The following NELL1 variants were observed in gnomAD, a reference collection of about 807,000 sequenced individuals.
NELL1 encodes the protein neural EGFL like 1.
A neutral mutation model predicts 107.4 loss-of-function variants in NELL1; 76 were observed. The ratio of observed to expected loss-of-function variants is 0.71; its 90% CI spans 0.59 to 0.86. NELL1 has a LOEUF of 0.86. Ranked by LOEUF, NELL1 falls within the 40% of genes least tolerant of loss-of-function variation. NELL1 has a pLI of 0.00. For synonymous variants in NELL1, 353 were observed against 341.2 expected (o/e 1.03, Z -0.38); for missense variants, 1,024 against 1,005.5 (o/e 1.02, Z -0.25).
At chr11:21,194,600 C>A (rs984560061) in intron 13 of NELL1, among the ~76,000 whole-genome samples, 1 of 152,108 alleles carries the variant, frequency 6.6e-6, no homozygotes, top group African/African-American at 2.4e-5. Context: ...GCTCCTAGAT[C>A]AGCAATATCA....
At chr11:21,059,893 A>G (rs779562498) in intron 12 of NELL1, among the ~76,000 whole-genome samples, 7 of 152,196 alleles carry the variant, frequency 4.6e-5, no homozygotes, top group Non-Finnish European at 7.3e-5. Context: ...ATATGCCAAT[A>G]TATTTCTCTC....
intron 12 of NELL1, among the ~76,000 whole-genome samples, chr11:21,085,905 G>T (rs1297226909): frequency 6.6e-6 from 1 of 152,222 alleles, no homozygotes; most frequent in Non-Finnish European, 1.5e-5. Context: ...TCACAAAAGT[G>T]GCTCAGGCTG....
intron 12 of NELL1, among the ~76,000 whole-genome samples, chr11:21,052,736 C>T (rs1350200856): frequency 6.6e-6 from 1 of 152,074 alleles, no homozygotes; most frequent in African/African-American, 2.4e-5. Context: ...GCCCCCACAT[C>T]AAACCTTGCA....
At chr11:21,115,934 GCCTT>G (rs1278388313) in intron 13 of NELL1, among the ~76,000 whole-genome samples, 1 of 151,688 alleles carries the variant, frequency 6.6e-6, no homozygotes, top group Non-Finnish European at 1.5e-5. Context: ...TCTTTAAAAA[GCCTT>G]CCTTTGATCC....
intron 10 of NELL1, 67 bp downstream of exon 10, chr11:20,937,926 T>C: frequency 6.7e-7 from 1 of 1,486,670 alleles, no homozygotes; most frequent in Admixed American, 1.7e-5. Flanking sequence ...GGGCTTTAGA[T>C]GAGGTTCTTG....
intron 15 of NELL1, among the ~76,000 whole-genome samples, chr11:21,447,662 C>T (rs1016408218): frequency 6.6e-6 from 1 of 152,150 alleles, no homozygotes; most frequent in African/African-American, 2.4e-5. Context: ...CTACGAGTTA[C>T]ATTGCCTGTG....
intron 13 of NELL1, among the ~76,000 whole-genome samples, chr11:21,200,671 C>G (rs954322240): frequency 1.3e-5 from 2 of 152,110 alleles, no homozygotes; most frequent in Non-Finnish European, 2.9e-5. Context: ...GCTTTTGTTG[C>G]CATTGCTTTT....
rs148732466 is a variant in NELL1 at position 20,980,213 on chromosome 11, C to T, written c.1300+19653C>T. Among the ~76,000 whole-genome samples the T allele has an allele frequency of 5.4e-4, 83 of 152,294 alleles. No individual in the cohort carries two copies. The Middle Eastern group carries it at 0.017, about 31-fold the overall frequency. ...GACTACAAAGGAGGAAGGAGGTTAA[C>T]GTTTCCTGAATCCCTCTTACACAGC... On this transcript the variant is annotated intron_variant, in intron 12 of 19. Coordinates refer to ENST00000357134, the MANE Select transcript of NELL1 (RefSeq NM_006157.5).
At chr11:21,073,687 T>G (rs1420227956) in intron 12 of NELL1, among the ~76,000 whole-genome samples, 1 of 152,136 alleles carries the variant, frequency 6.6e-6, no homozygotes, top group East Asian at 1.9e-4. Context: ...GAAGGCTTCC[T>G]GGAGGAAGTA....
intron 5 of NELL1, among the ~76,000 whole-genome samples, chr11:20,896,804 C>T (rs993430724): frequency 6.6e-6 from 1 of 152,110 alleles, no homozygotes; most frequent in African/African-American, 2.4e-5. Flanking sequence ...AGTGAACTCC[C>T]ATTCACAATT....
intron 14 of NELL1, among the ~76,000 whole-genome samples, chr11:21,283,232 T>C (rs1004598131): frequency 1.2e-4 from 19 of 152,338 alleles, no homozygotes; most frequent in African/African-American, 4.6e-4. Flanking sequence ...TTTACCCTCA[T>C]GTGATTATTA....
At chr11:20,852,889 C>T (rs1187643043) in intron 4 of NELL1, among the ~76,000 whole-genome samples, 1 of 152,164 alleles carries the variant, frequency 6.6e-6, no homozygotes. Context: ...ATTTAAGTAA[C>T]AGCACAAGGT....
At position 21,088,716 on chromosome 11, in the gene NELL1, T is replaced by C. The variant is rs575757288; in HGVS notation, c.1301-24873T>C. On this transcript the variant is annotated intron_variant, in intron 12 of 19. Coordinates refer to ENST00000357134, the MANE Select transcript of NELL1 (RefSeq NM_006157.5). ...GCTATTCATACCTCACGTCTAATTT[T>C]TTTAAAGTGTATCTTCAAAATGGTT... Among the ~76,000 whole-genome samples, 219 of 152,324 alleles carry C rather than the reference T, an allele frequency of 1.4e-3. 1 individual carries two copies. The highest frequency in any genetic ancestry group is 4.9e-3 in the African/African-American group (205 of 41,574).
At chr11:21,050,728 C>A (rs763922638) in intron 12 of NELL1, among the ~76,000 whole-genome samples, 1 of 152,146 alleles carries the variant, frequency 6.6e-6, no homozygotes, top group Non-Finnish European at 1.5e-5. Context: ...CTCCTAAACT[C>A]TCTGGGACTT....
intron 13 of NELL1, among the ~76,000 whole-genome samples, chr11:21,122,725 C>A (rs1477436367): frequency 6.6e-6 from 1 of 152,094 alleles, no homozygotes; most frequent in East Asian, 1.9e-4. Context: ...CATCAGTATT[C>A]ACTGTACATC....
chr11:21,254,568 C>T (rs534635292), intron 14 of NELL1, among the ~76,000 whole-genome samples: 2 of 152,094 alleles, frequency 1.3e-5, no homozygotes, highest in South Asian at 2.1e-4. Context: ...TACACATGCC[C>T]GAGGGAGCTG....
intron 13 of NELL1, among the ~76,000 whole-genome samples, chr11:21,178,003 T>C (rs1016952220): frequency 7.2e-5 from 11 of 151,938 alleles, no homozygotes; most frequent in African/African-American, 2.7e-4. Flanking sequence ...GTTTCTTATA[T>C]ACTTTGAATA....
At position 20,738,713 on chromosome 11, in the gene NELL1, A is replaced by G. The variant is rs557794323; in HGVS notation, c.185-44967A>G. On this transcript the variant is annotated intron_variant, in intron 2 of 19. Transcript: ENST00000357134. ...ATGTAAAGTGTAGGAGGAAATATCT[A>G]TTTCCCAGGGTATTGTGAATCACCA... 2.6e-5 allele frequency among the ~76,000 whole-genome samples: 4 copies of G among 152,282 alleles called. No homozygotes were observed. The South Asian group carries it at 8.3e-4, about 32-fold the overall frequency.
intron 2 of NELL1, among the ~76,000 whole-genome samples, chr11:20,743,429 C>T (rs1392544010): frequency 6.6e-6 from 1 of 152,130 alleles, no homozygotes; most frequent in Admixed American, 6.5e-5. Context: ...CATCGCTTAT[C>T]TGCCAAACCC....
Sources: gnomAD v4.1 joint callset for allele counts (sites outside exome capture counted in the v4.1 genomes callset) on GRCh38, gnomAD v4.1.1 for gene constraint, MANE v1.5 for transcripts, NCBI Gene and HGNC (gene_info 2026-07-23, HGNC 2026-07-21) for gene names.